Variants in NRXN1 observed in about 807,000 individuals in gnomAD.
The protein encoded by NRXN1 is neurexin-1.
NRXN1 carries 39 observed loss-of-function variants against 150.9 expected under a neutral mutation model. The observed-to-expected ratio is 0.26, with a 90% CI of 0.20 to 0.34. The LOEUF is 0.34. Among genes scored for constraint, NRXN1 ranks in the 10% least tolerant of loss-of-function variants. The pLI, the probability that NRXN1 is intolerant of heterozygous loss-of-function variation, is 1.00. For missense variants in NRXN1, 1,815 were observed against 1,949.9 expected (o/e 0.93, Z 1.30); for synonymous variants, 924 against 757.0 (o/e 1.22, Z -3.62).
chr2:50,250,742 T>A (rs745468337), intron 17 of NRXN1, among the ~76,000 whole-genome samples: 1 of 152,044 alleles, frequency 6.6e-6, no homozygotes, highest in African/African-American at 2.4e-5. Context: ...CTATTTATCA[T>A]AAATTGTGTC....
chr2:50,064,835 T>C (rs781647064), intron 19 of NRXN1, among the ~76,000 whole-genome samples: 4 of 152,188 alleles, frequency 2.6e-5, no homozygotes, highest in Non-Finnish European at 4.4e-5. Flanking sequence ...AGTCAGGTAG[T>C]AGAAGTTATG....
At chr2:50,520,353 T>C (rs917658973) in intron 12 of NRXN1, among the ~76,000 whole-genome samples, 1 of 151,970 alleles carries the variant, frequency 6.6e-6, no homozygotes, top group African/African-American at 2.4e-5. Context: ...TGTAGCTTTA[T>C]CCTAAATATT....
At chr2:50,468,487 AT>A (rs1558783900) in intron 16 of NRXN1, among the ~76,000 whole-genome samples, 2 of 151,620 alleles carry the variant, frequency 1.3e-5, no homozygotes. Flanking sequence ...AGAGCCTTAA[AT>A]TTATTTTTCT....
At chr2:50,434,145 C>T (rs1171275387) in intron 17 of NRXN1, among the ~76,000 whole-genome samples, 6 of 150,298 alleles carry the variant, frequency 4.0e-5, no homozygotes, top group Non-Finnish European at 8.8e-5. Flanking sequence ...CTGCAAGCTC[C>T]GCCTCCCGGG....
Position 50,314,012 on chromosome 2 carries a change from T to G in NRXN1, c.3365-77042A>C, listed in dbSNP as rs75718016. ...CAATATAATTATTGAAAAAAATAAT[T>G]TACACACAATTGCTCATTCACTCGA... is the stretch of plus-strand genomic sequence containing the variant. On this transcript the variant is annotated intron_variant, in intron 17 of 22. Transcript: ENST00000401669. 1.0e-3 allele frequency among the ~76,000 whole-genome samples: 156 copies of G among 152,024 alleles called. 5 individuals are homozygous for G. In the East Asian group the frequency reaches 0.026, roughly 25 times the overall value.
intron 21 of NRXN1, among the ~76,000 whole-genome samples, chr2:49,958,584 A>G (rs1431760908): frequency 6.6e-6 from 1 of 152,194 alleles, no homozygotes; most frequent in Non-Finnish European, 1.5e-5. Flanking sequence ...ACAAGAAAGA[A>G]ACCTATTCAA....
rs970462847 is a variant in NRXN1 at position 51,030,636 on chromosome 2, T to C, written c.-922+1345A>G. On this transcript the variant is annotated intron_variant, in intron 1 of 22. Transcript: ENST00000401669. ...AGGAAATAAAAATCTCAGTTGCTTATTTATTATGGCTGATACATTCCACAC... is the reference window on the plus strand; with the variant it reads ...AGGAAATAAAAATCTCAGTTGCTTACTTATTATGGCTGATACATTCCACAC... Among the ~76,000 whole-genome samples, 7 of 152,152 alleles carry C rather than the reference T, an allele frequency of 4.6e-5. No homozygotes were observed. In the East Asian group the frequency reaches 1.4e-3, roughly 29 times the overall value.
intron 18 of NRXN1, among the ~76,000 whole-genome samples, chr2:50,145,579 C>G (rs1271312163): frequency 6.6e-6 from 1 of 151,616 alleles, no homozygotes; most frequent in African/African-American, 2.4e-5. Flanking sequence ...ATCTTTGAAT[C>G]TGCTTTTTTA....
intron 17 of NRXN1, among the ~76,000 whole-genome samples, chr2:50,278,658 C>G (rs1338794855): frequency 6.6e-6 from 1 of 151,864 alleles, no homozygotes; most frequent in East Asian, 1.9e-4. Context: ...AAATATTCTA[C>G]AAAAGCATCA....
intron 5 of NRXN1, among the ~76,000 whole-genome samples, chr2:50,650,106 C>T (rs1685391427): frequency 6.6e-6 from 1 of 152,046 alleles, no homozygotes. Flanking sequence ...TCTGGGTTTG[C>T]AGATGCCATA....
At position 51,031,103 on chromosome 2, in the gene NRXN1, C is replaced by A. The variant is rs76398834; in HGVS notation, c.-922+878G>T. The stretch of plus-strand genomic sequence containing the variant: ...ATCACAGGGAGGTTAACTGGTTTTC[C>A]CAGTTCTTGGAGGAAGCTCATTGTA... On this transcript the variant is annotated intron_variant, in intron 1 of 22. Coordinates refer to ENST00000401669, the MANE Select transcript of NRXN1 (RefSeq NM_001330078.2). Among the ~76,000 whole-genome samples, 1,004 of 151,792 alleles carry A rather than the reference C, an allele frequency of 6.6e-3. 5 individuals are homozygous for A. Among genetic ancestry groups the A allele is most frequent in the Non-Finnish European group, 0.01 (681 of 67,942 alleles).
Position 50,888,628 on chromosome 2 carries a change from TCCACC to T in NRXN1, c.832+33236_832+33240del, listed in dbSNP as rs1164769204. The stretch of plus-strand genomic sequence containing the variant: ...AAATCATGAACTGCAATAACTGTAA[TCCACC>T]ATTAGCTTCAGAAAAAAGTATAATG... On this transcript the variant is annotated intron_variant, in intron 5 of 22. Transcript: ENST00000401669. Among the ~76,000 whole-genome samples the T allele has an allele frequency of 3.3e-5, 5 of 151,754 alleles. No individual in the cohort carries two copies. The East Asian group carries it at 9.7e-4, about 30-fold the overall frequency.
chr2:50,720,992 T>G (rs911349820), intron 5 of NRXN1, among the ~76,000 whole-genome samples: 1 of 152,136 alleles, frequency 6.6e-6, no homozygotes, highest in Non-Finnish European at 1.5e-5. Flanking sequence ...TCTCGTCTGG[T>G]TCCTGGGAGT....
chr2:50,942,147 T>C (rs917184643), intron 2 of NRXN1, among the ~76,000 whole-genome samples: 1 of 152,142 alleles, frequency 6.6e-6, no homozygotes, highest in Non-Finnish European at 1.5e-5. Flanking sequence ...AGCTTCCACA[T>C]GGTGTTGGGC....
chr2:50,843,654 G>C (rs529655220), intron 5 of NRXN1, among the ~76,000 whole-genome samples: 1 of 152,152 alleles, frequency 6.6e-6, no homozygotes, highest in Non-Finnish European at 1.5e-5. Flanking sequence ...CGCCATCCAG[G>C]TTACTGTTTA....
At position 50,329,617 on chromosome 2, in the gene NRXN1, GTATATATATATA is replaced by G. The variant is rs1172739306; in HGVS notation, c.3365-92659_3365-92648del. ...TGTGTGTGTGTGTGTGTGTGTGTGT[GTATATATATATA>G]TATATATATATATATATATATATAT... is the stretch of plus-strand genomic sequence containing the variant. On this transcript the variant is annotated intron_variant, in intron 17 of 22. Transcript: ENST00000401669. Among the ~76,000 whole-genome samples the G allele has an allele frequency of 2.9e-3, 40 of 13,978 alleles. 2 individuals carry two copies. The highest frequency in any genetic ancestry group is 8.1e-3 in the Admixed American group (5 of 616). 9.2% of individuals were successfully genotyped at this position (13,978 alleles called of 152,430 possible). A position where few individuals can be genotyped will look rare whatever the true frequency, so the allele number is the denominator to read the frequency against.
intron 21 of NRXN1, among the ~76,000 whole-genome samples, chr2:50,044,099 T>C (rs1691436808): frequency 6.6e-6 from 1 of 152,190 alleles, no homozygotes. Context: ...GCAAGTTTAT[T>C]TGATACTCTC....
chr2:50,983,868 T>A (rs1697240737), intron 2 of NRXN1, among the ~76,000 whole-genome samples: 1 of 152,086 alleles, frequency 6.6e-6, no homozygotes. Context: ...CTACATAAAA[T>A]TCTGTACATA....
chr2:50,768,336 A>T (rs907612315), intron 5 of NRXN1, among the ~76,000 whole-genome samples: 1 of 151,994 alleles, frequency 6.6e-6, no homozygotes, highest in Non-Finnish European at 1.5e-5. Flanking sequence ...AAAGAAAGCA[A>T]CTTGCTCTAT....
Sources: gnomAD v4.1 joint callset for allele counts (sites outside exome capture counted in the v4.1 genomes callset) on GRCh38, gnomAD v4.1.1 for gene constraint, MANE v1.5 for transcripts, NCBI Gene and HGNC (gene_info 2026-07-23, HGNC 2026-07-21) for gene names.